The following COL5A1 variants were observed in gnomAD, a reference collection of about 807,000 sequenced individuals.
COL5A1 encodes collagen type V alpha 1 chain, also known as collagen alpha-1(V) chain.
COL5A1 carries 16 observed loss-of-function variants against 263.7 expected under a neutral mutation model. The ratio of observed to expected loss-of-function variants is 0.06; its 90% CI spans 0.04 to 0.09. COL5A1 has a LOEUF of 0.09. COL5A1 is among the 10% of genes least tolerant of loss of function. COL5A1 has a pLI of 1.00. For synonymous variants in COL5A1, 1,012 were observed against 1,004.5 expected, an observed-to-expected ratio of 1.01 and a Z score of -0.14; for missense variants, 2,036 against 2,540.5, an observed-to-expected ratio of 0.80 and a Z score of 4.27.
At chr9:134,752,442 G>A in intron 13 of COL5A1, 147 bp from the exon 14 acceptor site, 1 of 634,566 alleles carries the variant, frequency 1.6e-6, no homozygotes, top group Non-Finnish European at 2.9e-6. Context: ...CCCTTGGGGA[G>A]TCATCAGACC....
chr9:134,643,491 T>C (rs1831371433), intron 1 of COL5A1, among the ~76,000 whole-genome samples: 1 of 152,154 alleles, frequency 6.6e-6, no homozygotes, highest in South Asian at 2.1e-4. Flanking sequence ...AAAACACTCT[T>C]TTCCTTTTTC....
intron 14 of COL5A1, among the ~76,000 whole-genome samples, chr9:134,752,853 G>C (rs1835835843): frequency 2.0e-5 from 3 of 152,148 alleles, no homozygotes; most frequent in African/African-American, 7.2e-5. Flanking sequence ...GGTGGGGATG[G>C]GTGACTGTGC....
chr9:134,760,255 CCCCACACTGATA>C, intron 18 of COL5A1, among the ~76,000 whole-genome samples: 1 of 127,226 alleles, frequency 7.9e-6, no homozygotes. Flanking sequence ...CACCCACACA[CCCCACACTGATA>C]CACACATGCA....
chr9:134,719,341 C>CA (rs1336589552), intron 4 of COL5A1, among the ~76,000 whole-genome samples: 2 of 152,276 alleles, frequency 1.3e-5, no homozygotes, highest in African/African-American at 2.4e-5. Flanking sequence ...CATGTGAATG[C>CA]AAAACATATG....
intron 27 of COL5A1, among the ~76,000 whole-genome samples, chr9:134,775,397 G>A (rs571662393): frequency 2.0e-5 from 3 of 152,226 alleles, no homozygotes; most frequent in Non-Finnish European, 4.4e-5. Context: ...ATCTGGGTGG[G>A]CCAGCGCTGT....
intron 65 of COL5A1, among the ~76,000 whole-genome samples, chr9:134,838,527 G>A (rs1234131222): frequency 6.6e-6 from 1 of 152,260 alleles, no homozygotes; most frequent in African/African-American, 2.4e-5. Flanking sequence ...AGCAGCGTGG[G>A]TCTGGTTAGC....
intron 4 of COL5A1, among the ~76,000 whole-genome samples, chr9:134,702,598 G>A (rs1024587689): frequency 6.6e-6 from 1 of 152,238 alleles, no homozygotes; most frequent in Non-Finnish European, 1.5e-5. Flanking sequence ...TAAAGATATC[G>A]ATGTCTGCTC....
rs1835317536 is a variant in COL5A1 at position 134,741,912 on chromosome 9, C to T, written c.1494+3104C>T. Among the ~76,000 whole-genome samples, 1 of 152,084 alleles carries T rather than the reference C, an allele frequency of 6.6e-6. No individual in the cohort carries two copies. The highest frequency in any genetic ancestry group is 2.4e-5 in the African/African-American group (1 of 41,444). On this transcript the variant is annotated intron_variant, in intron 11 of 65. Transcript: ENST00000371817. The surrounding 1 kb of genome is among the most constrained non-coding windows in gnomAD (Gnocchi z 4.5). ...TGGCCGTGACCGGTTTGTGCCTTTTCTTCCTCACTGGATGGTGAGTTCCTC... is the reference window on the plus strand; with the variant it reads ...TGGCCGTGACCGGTTTGTGCCTTTTTTTCCTCACTGGATGGTGAGTTCCTC...
chr9:134,669,010 A>G (rs1340291232), intron 1 of COL5A1, among the ~76,000 whole-genome samples: 5 of 85,154 alleles, frequency 5.9e-5, no homozygotes, highest in Admixed American at 4.9e-4. Context: ...CACTCACCCA[A>G]CCATCCATCC....
intron 65 of COL5A1, among the ~76,000 whole-genome samples, chr9:134,837,352 G>A (rs1302474284): frequency 1.3e-5 from 2 of 152,112 alleles, no homozygotes; most frequent in Admixed American, 1.3e-4. Flanking sequence ...TTCCCTGGAA[G>A]ACAATGCTAG....
intron 4 of COL5A1, among the ~76,000 whole-genome samples, chr9:134,704,600 G>A (rs1588453643): frequency 6.6e-6 from 1 of 152,150 alleles, no homozygotes; most frequent in African/African-American, 2.4e-5. Context: ...CGTGGAATTC[G>A]ATTTGAGCCA....
In COL5A1 at chr9:134,738,887, C is replaced by T. The variant is rs1278971859; in HGVS notation, c.1494+79C>T. On this transcript the variant is annotated intron_variant, in intron 11 of 65. Transcript: ENST00000371817. ...CCTCCTCTCCACACTGTGACCCGAG[C>T]TGTCCCTGCCTGTGGAGGTGACCCA... 1.6e-5 allele frequency: 19 copies of T among 1,194,928 alleles called. No homozygotes were observed. In the East Asian group the frequency reaches 1.9e-4, roughly 12 times the overall value. The allele number at this position is 1,194,928 out of a possible 1,614,324, so 74.0% of individuals were successfully genotyped here.
Position 134,755,625 on chromosome 9 carries a change from T to C in COL5A1, c.1828-1140T>C, listed in dbSNP as rs1333460636. ...CATCTGGGTGCTTTGCGGGGCTGAG[T>C]TGTGCTGTGAAATCCTGTGAAGTTT... On this transcript the variant is annotated intron_variant, in intron 16 of 65. Transcript: ENST00000371817. This position sits in a 1 kb window ranked among gnomAD's most constrained non-coding sequence, Gnocchi z 4.1. Among the ~76,000 whole-genome samples, 2 of 152,136 alleles carry C rather than the reference T, an allele frequency of 1.3e-5. No individual in the cohort carries two copies. The highest frequency in any genetic ancestry group is 2.4e-5 in the African/African-American group (1 of 41,426).
rs553222420 is a variant in COL5A1 at position 134,680,133 on chromosome 9, G to A, written c.110-10779G>A. ...GGACTACCCCGGAGGCCCTTTGGAC[G>A]GGCCCTTCATTCTTCAGCAAGGAAT... On this transcript the variant is annotated intron_variant, in intron 1 of 65. Transcript: ENST00000371817. This position sits in a 1 kb window ranked among gnomAD's most constrained non-coding sequence, Gnocchi z 5.9. 8.7e-4 allele frequency among the ~76,000 whole-genome samples: 132 copies of A among 152,206 alleles called. No individual in the cohort carries two copies. Among genetic ancestry groups the A allele is most frequent in the African/African-American group, 2.9e-3 (120 of 41,514 alleles).
At chr9:134,786,173 C>T in intron 31 of COL5A1, 125 bp downstream of exon 31, 1 of 946,024 alleles carries the variant, frequency 1.1e-6, no homozygotes, top group Non-Finnish European at 1.7e-6. Flanking sequence ...CCGATAACTT[C>T]TGGCCATGTT....
At chr9:134,769,785 G>A (rs987287258) in intron 25 of COL5A1, among the ~76,000 whole-genome samples, 2 of 151,680 alleles carry the variant, frequency 1.3e-5, no homozygotes, top group African/African-American at 4.8e-5. Context: ...CGGGGAGGAA[G>A]GGGGCCTGGG....
At position 134,656,794 on chromosome 9, in the gene COL5A1, G is replaced by A. The variant is rs1030258967; in HGVS notation, c.109+14498G>A. Among the ~76,000 whole-genome samples the A allele has an allele frequency of 2.0e-5, 3 of 151,082 alleles. No individual in the cohort carries two copies. In the East Asian group the frequency reaches 6.0e-4, roughly 30 times the overall value. On this transcript the variant is annotated intron_variant, in intron 1 of 65. Coordinates refer to ENST00000371817, the MANE Select transcript of COL5A1 (RefSeq NM_000093.5). The stretch of plus-strand genomic sequence containing the variant: ...GTGTGAAAGAAGGACTAAAGCTGCT[G>A]TTTGCAGCTTCAGGCCCAGCCAGGG...
intron 11 of COL5A1, among the ~76,000 whole-genome samples, chr9:134,745,390 AG>A (rs111485343): frequency 0.018 from 2,774 of 152,266 alleles, 75 homozygotes; most frequent in African/African-American, 0.055. Context: ...AGGGTCTGCC[AG>A]GGTGTTCATC....
intron 4 of COL5A1, among the ~76,000 whole-genome samples, chr9:134,721,405 A>G (rs1834451305): frequency 6.6e-6 from 1 of 151,284 alleles, no homozygotes; most frequent in African/African-American, 2.4e-5. Context: ...GCCTCTCGTC[A>G]CCCCATGGCA....
Sources: gnomAD v4.1 joint callset for allele counts (sites outside exome capture counted in the v4.1 genomes callset) on GRCh38, gnomAD v4.1.1 for gene constraint, Gnocchi (gnomAD v3.1) non-coding constraint, MANE v1.5 for transcripts, NCBI Gene and HGNC (gene_info 2026-07-23, HGNC 2026-07-21) for gene names.